Variants in KDM1B observed in about 807,000 individuals in gnomAD.
KDM1B encodes lysine demethylase 1B, also known as lysine-specific histone demethylase 2.
Under a neutral mutation model 107.4 loss-of-function variants are expected in KDM1B, and 63 were observed. The observed-to-expected ratio is 0.59, with a 90% confidence interval of 0.48 to 0.72. The LOEUF (loss-of-function observed/expected upper bound fraction) is 0.72. Among genes scored for constraint, KDM1B ranks in the 30% least tolerant of loss-of-function variants. The pLI, the probability that KDM1B is intolerant of heterozygous loss-of-function variation, is 0.00. For synonymous variants in KDM1B, 363 were observed against 363.9 expected (o/e 1.00, Z 0.03); for missense variants, 749 against 1,020.8 (o/e 0.73, Z 3.63).
chr6:18,207,076 T>C (rs556959490), intron 15 of KDM1B, among the ~76,000 whole-genome samples: 31 of 152,172 alleles, frequency 2.0e-4, no homozygotes, highest in Admixed American at 5.2e-4. Flanking sequence ...AGATAGCATA[T>C]TTATATATGT....
Position 18,212,755 on chromosome 6 carries a change from CAGA to C in KDM1B, c.1983+156_1983+158del. On this transcript the variant is annotated intron_variant, in intron 18 of 21. Coordinates refer to ENST00000650836, the MANE Select transcript of KDM1B (RefSeq NM_001364614.2). This position sits in a 1 kb window ranked among gnomAD's most constrained non-coding sequence, Gnocchi z 5.2. Reference sequence around the variant, plus strand: ...TTTGAGTAATTGTTCGTGAAGAACACAGAAGAATATTATCAAAACGAAAGGAGG... The same window carrying C: ...TTTGAGTAATTGTTCGTGAAGAACACAGAATATTATCAAAACGAAAGGAGG... 1.5e-6 allele frequency: 1 copy of C among 658,958 alleles called. No individual in the cohort carries two copies. Among genetic ancestry groups the C allele is most frequent in the South Asian group, 1.8e-5 (1 of 55,280 alleles). The allele number at this position is 658,958 out of a possible 1,614,324, so 40.8% of individuals were successfully genotyped here.
At chr6:18,164,190 C>T (rs1179002802) in intron 5 of KDM1B, among the ~76,000 whole-genome samples, 4 of 151,742 alleles carry the variant, frequency 2.6e-5, no homozygotes, top group Non-Finnish European at 5.9e-5. Flanking sequence ...TGCAGTGGTG[C>T]GATCTGGACT....
chr6:18,165,151 T>TTTG (rs1785212834), intron 5 of KDM1B, among the ~76,000 whole-genome samples: 1 of 143,936 alleles, frequency 6.9e-6, no homozygotes, highest in Non-Finnish European at 1.5e-5. Context: ...TTTTTTTTTT[T>TTTG]GAGACAGAAT....
intron 7 of KDM1B, among the ~76,000 whole-genome samples, chr6:18,177,888 A>G (rs1228409873): frequency 6.6e-6 from 1 of 152,278 alleles, no homozygotes; most frequent in East Asian, 1.9e-4. Context: ...AATATTTACT[A>G]TGTGGTTCCT....
intron 21 of KDM1B, among the ~76,000 whole-genome samples, chr6:18,221,250 G>A (rs997103156): frequency 2.0e-5 from 3 of 151,976 alleles, no homozygotes; most frequent in African/African-American, 4.8e-5. Flanking sequence ...TGTCTGTTCA[G>A]CTCCTCTTCA....
rs777439388 is a variant in KDM1B at position 18,197,060 on chromosome 6, G to A, written c.973G>A (p.Ala325Thr). The change falls in exon 11 of 22, where the codon GCT (alanine) becomes ACT (threonine). Residue 325 changes from alanine (A) to threonine (T), a missense_variant. By Grantham distance (58) the Ala-to-Thr change is moderately conservative. Transcript: ENST00000650836. This position sits in a 1 kb window ranked among gnomAD's most constrained non-coding sequence, Gnocchi z 4.5. ...LALWYTNCKE[A>T]LTPQKCIPHI... Reference sequence around the variant, plus strand: ...TTGGTTTTATTTCCAAACACAGGAAGCTCTTACTCCTCAGAAATGTATTCC... The same window carrying A: ...TTGGTTTTATTTCCAAACACAGGAAACTCTTACTCCTCAGAAATGTATTCC... 1.9e-6 allele frequency: 3 copies of A among 1,595,856 alleles called. No homozygotes were observed. Among genetic ancestry groups the A allele is most frequent in the Non-Finnish European group, 2.6e-6 (3 of 1,168,158 alleles).
chr6:18,162,790 A>G lies in KDM1B; in HGVS notation c.216-45A>G. 1.8e-6 allele frequency: 2 copies of G among 1,095,690 alleles called. No homozygotes were observed. The highest frequency in any genetic ancestry group is 1.4e-6 in the Non-Finnish European group (1 of 710,498). 67.9% of individuals were successfully genotyped at this position (1,095,690 alleles called of 1,614,324 possible). A position where few individuals can be genotyped will look rare whatever the true frequency, so the allele number is the denominator to read the frequency against. ...ATGTTTTTTAAAAAATGGGAGGAGA[A>G]ATGTTTATTCATTACCAAAGCTATA... On this transcript the variant is annotated intron_variant, in intron 4 of 21. Transcript: ENST00000650836. This position sits in a 1 kb window ranked among gnomAD's most constrained non-coding sequence, Gnocchi z 4.1.
chr6:18,175,925 G>GCTTTGT (rs2150849510), intron 7 of KDM1B, among the ~76,000 whole-genome samples: 1 of 152,146 alleles, frequency 6.6e-6, no homozygotes, highest in South Asian at 2.1e-4. Flanking sequence ...TTATTCTTTT[G>GCTTTGT]CTTTGTCTTG....
intron 17 of KDM1B, among the ~76,000 whole-genome samples, chr6:18,210,354 T>TTTTTTTTTTTG (rs1788757835): frequency 2.1e-5 from 1 of 47,670 alleles, no homozygotes; most frequent in Non-Finnish European, 4.0e-5. Context: ...TTTTTTTTTT[T>TTTTTTTTTTTG]TTTTTTTTTT....
intron 21 of KDM1B, 123 bp downstream of exon 21, chr6:18,218,008 A>G: frequency 9.9e-7 from 1 of 1,011,540 alleles, no homozygotes; most frequent in East Asian, 2.5e-5. Flanking sequence ...GACCACAGAC[A>G]GCAGAAGCCT....
At chr6:18,221,141 G>C (rs906532226) in intron 21 of KDM1B, among the ~76,000 whole-genome samples, 1 of 151,674 alleles carries the variant, frequency 6.6e-6, no homozygotes, top group African/African-American at 2.4e-5. Context: ...CCCATTCATT[G>C]AAGCCTTTGG....
rs35906579 is a variant in KDM1B at position 18,165,128 on chromosome 6, A to ATTTTTT, written c.306-1121_306-1116dup. On this transcript the variant is annotated intron_variant, in intron 5 of 21. Coordinates refer to ENST00000650836, the MANE Select transcript of KDM1B (RefSeq NM_001364614.2). ...TTTTCCCCTTCCTCTGCCTTCTCTGATTTTTTTTTTTTTTTTTTTTTTTGA... is the reference window on the plus strand; with the variant it reads ...TTTTCCCCTTCCTCTGCCTTCTCTGATTTTTTTTTTTTTTTTTTTTTTTTTTTTTGA... 5.8e-3 allele frequency among the ~76,000 whole-genome samples: 474 copies of ATTTTTT among 81,556 alleles called. 19 individuals carry two copies. The highest frequency in any genetic ancestry group is 0.03 in the Middle Eastern group (2 of 66). The allele number at this position is 81,556 out of a possible 152,430, so 53.5% of individuals were successfully genotyped here.
At chr6:18,163,683 A>T (rs1204803216) in intron 5 of KDM1B, among the ~76,000 whole-genome samples, 1 of 152,178 alleles carries the variant, frequency 6.6e-6, no homozygotes, top group Non-Finnish European at 1.5e-5. Context: ...TGATCTATAG[A>T]TTATTTAGAA....
intron 7 of KDM1B, 67 bp from the exon 8 acceptor site, chr6:18,185,705 G>C: frequency 7.5e-7 from 1 of 1,339,508 alleles, no homozygotes; most frequent in Non-Finnish European, 1.1e-6. Context: ...TCTTATTGAA[G>C]ATAAATGGAT....
chr6:18,161,695 C>T (rs1302685484), intron 4 of KDM1B, among the ~76,000 whole-genome samples: 1 of 152,146 alleles, frequency 6.6e-6, no homozygotes, highest in Non-Finnish European at 1.5e-5. Flanking sequence ...ACAGTGTCCT[C>T]AAATCCAGCC....
At chr6:18,161,481 C>G (rs1336398369) in intron 4 of KDM1B, 27 bp downstream of exon 4, 1 of 1,609,224 alleles carries the variant, frequency 6.2e-7, no homozygotes, top group Non-Finnish European at 8.5e-7. Flanking sequence ...GTCTTGGCCT[C>G]CCATTTCTGC....
Position 18,200,552 on chromosome 6 carries a change from C to T in KDM1B, c.1335C>T (p.Asn445=), listed in dbSNP as rs202122796. 4.3e-6 allele frequency: 7 copies of T among 1,613,344 alleles called. No homozygotes were observed. The highest frequency in any genetic ancestry group is 3.3e-4 in the Middle Eastern group (2 of 6,056). ...AGATTGTCAATGGGTGTATTAACAA[C>T]CCAGTAGCATTAATGTGTGAACAAG... ...GAQIVNGCIN[N]PVALMCEQLG... The change falls in exon 13 of 22, where the codon AAC becomes AAT. Residue 445 remains asparagine, a synonymous_variant. Coordinates refer to ENST00000650836, the MANE Select transcript of KDM1B (RefSeq NM_001364614.2). The surrounding 1 kb of genome is among the most constrained non-coding windows in gnomAD (Gnocchi z 4.3).
chr6:18,207,645 G>T, intron 16 of KDM1B, 116 bp downstream of exon 16: 1 of 1,269,348 alleles, frequency 7.9e-7, no homozygotes. Context: ...CCAGGGTCTA[G>T]AAGTACTTTT....
At chr6:18,199,590 G>A (rs1187635955) in intron 12 of KDM1B, among the ~76,000 whole-genome samples, 1 of 152,122 alleles carries the variant, frequency 6.6e-6, no homozygotes, top group African/African-American at 2.4e-5. Context: ...CCCAAGAGCA[G>A]CTTCTCATGC....
Sources: gnomAD v4.1 joint callset for allele counts (sites outside exome capture counted in the v4.1 genomes callset) on GRCh38, gnomAD v4.1.1 for gene constraint, Gnocchi (gnomAD v3.1) non-coding constraint, MANE v1.5 for transcripts, NCBI Gene and HGNC (gene_info 2026-07-23, HGNC 2026-07-21) for gene names.